The following TNIK variants were observed in gnomAD, a reference collection of about 807,000 sequenced individuals.
The protein encoded by TNIK is TRAF2 and NCK interacting kinase.
In TNIK, 49 loss-of-function variants were observed where a neutral mutation model predicts 191.3. The ratio of observed to expected loss-of-function variants is 0.26; its 90% CI spans 0.20 to 0.32. The LOEUF (loss-of-function observed/expected upper bound fraction) is 0.32. Ranked by LOEUF, TNIK falls within the 10% of genes least tolerant of loss-of-function variation. The pLI, the probability that TNIK is intolerant of heterozygous loss-of-function variation, is 1.00. For synonymous variants in TNIK, 594 were observed against 600.9 expected, an observed-to-expected ratio of 0.99 and a Z score of 0.17; for missense variants, 1,155 against 1,702.3, an observed-to-expected ratio of 0.68 and a Z score of 5.66.
At chr3:171,250,555 A>T (rs552322143) in intron 2 of TNIK, among the ~76,000 whole-genome samples, 2 of 152,332 alleles carry the variant, frequency 1.3e-5, no homozygotes, top group South Asian at 4.1e-4. Context: ...ACTTCTCTAA[A>T]GCCATGCAGC....
intron 12 of TNIK, among the ~76,000 whole-genome samples, chr3:171,140,911 C>T (rs1464281762): frequency 6.6e-6 from 1 of 152,124 alleles, no homozygotes; most frequent in Non-Finnish European, 1.5e-5. Context: ...CCATGTAACA[C>T]AAAAATTTCA....
chr3:171,227,383 T>C lies in TNIK; in HGVS notation c.180+782A>G, dbSNP rs137978199. Among the ~76,000 whole-genome samples the C allele has an allele frequency of 1.1e-3, 166 of 152,296 alleles. 2 individuals are homozygous for C. Among genetic ancestry groups the C allele is most frequent in the African/African-American group, 3.7e-3 (154 of 41,578 alleles). On this transcript the variant is annotated intron_variant, in intron 3 of 32. Coordinates refer to ENST00000436636, the MANE Select transcript of TNIK (RefSeq NM_015028.4). ...TGGGAAATATTCATGTTAAATATCC[T>C]ACTAGGATCTTAGAGCCATCCAAGC...
At chr3:171,372,477 T>G (rs1716639091) in intron 1 of TNIK, among the ~76,000 whole-genome samples, 1 of 152,196 alleles carries the variant, frequency 6.6e-6, no homozygotes, top group African/African-American at 2.4e-5. Flanking sequence ...AAGGAAGAAC[T>G]GGACTGAGCC....
intron 12 of TNIK, among the ~76,000 whole-genome samples, chr3:171,144,370 C>T (rs889212466): frequency 1.3e-5 from 2 of 151,832 alleles, no homozygotes; most frequent in East Asian, 3.9e-4. Flanking sequence ...TGTTGATGTT[C>T]GCCAAGGATG....
intron 2 of TNIK, among the ~76,000 whole-genome samples, chr3:171,262,743 AG>A (rs1188342247): frequency 6.6e-6 from 1 of 152,210 alleles, no homozygotes; most frequent in Non-Finnish European, 1.5e-5. Context: ...TTCCTTGATG[AG>A]GGAACCTCAA....
chr3:171,233,063 A>G (rs879259375), intron 2 of TNIK, among the ~76,000 whole-genome samples: 11 of 152,250 alleles, frequency 7.2e-5, no homozygotes, highest in Admixed American at 2.6e-4. Context: ...TTTCTGGCAA[A>G]GCACTCAAGC....
At chr3:171,156,196 T>TA (rs1212700244) in intron 12 of TNIK, among the ~76,000 whole-genome samples, 15 of 152,342 alleles carry the variant, frequency 9.8e-5, no homozygotes, top group African/African-American at 3.6e-4. Context: ...TTGACATTAC[T>TA]AAAATCACTC....
At chr3:171,448,433 T>C (rs76128872) in intron 1 of TNIK, among the ~76,000 whole-genome samples, 5,289 of 152,288 alleles carry the variant, frequency 0.035, 322 homozygotes, top group African/African-American at 0.12. Context: ...TTGCAGTGTG[T>C]ATCAGCACTT....
intron 16 of TNIK, among the ~76,000 whole-genome samples, chr3:171,126,627 G>T (rs181912358): frequency 6.6e-6 from 1 of 152,026 alleles, no homozygotes; most frequent in African/African-American, 2.4e-5. Flanking sequence ...ATTTTACACC[G>T]GAGCAATGTA....
In TNIK at chr3:171,206,335, G is replaced by GTATATATATATATATATATATATATATA. The variant is rs60356829; in HGVS notation, c.306+4780_306+4781insTATATATATATATATATATATATATATA. Reference sequence around the variant, plus strand: ...AATATATGGAGATATATATGTTCGTGTATATATATATATATATATGGAAGA... The same window carrying GTATATATATATATATATATATATATATA: ...AATATATGGAGATATATATGTTCGTGTATATATATATATATATATATATATATATATATATATATATATATATGGAAGA... On this transcript the variant is annotated intron_variant, in intron 4 of 32. Transcript: ENST00000436636. Among the ~76,000 whole-genome samples, 280 of 132,860 alleles carry GTATATATATATATATATATATATATATA rather than the reference G, an allele frequency of 2.1e-3. 4 individuals are homozygous for GTATATATATATATATATATATATATATA. Among genetic ancestry groups the GTATATATATATATATATATATATATATA allele is most frequent in the East Asian group, 8.4e-3 (31 of 3,678 alleles). 87.2% of individuals were successfully genotyped at this position (132,860 alleles called of 152,430 possible). A position where few individuals can be genotyped will look rare whatever the true frequency, so the allele number is the denominator to read the frequency against.
At chr3:171,230,960 C>CGAT (rs1040992632) in intron 2 of TNIK, among the ~76,000 whole-genome samples, 18 of 150,796 alleles carry the variant, frequency 1.2e-4, no homozygotes, top group African/African-American at 4.3e-4. Context: ...CTCTGCCTCC[C>CGAT]GACTCCCCTC....
intron 1 of TNIK, among the ~76,000 whole-genome samples, chr3:171,383,227 C>A (rs562727687): frequency 6.6e-6 from 1 of 152,154 alleles, no homozygotes; most frequent in Non-Finnish European, 1.5e-5. Context: ...TACAAGGTGC[C>A]TACGTTCACA....
chr3:171,353,674 C>G (rs930688084), intron 2 of TNIK, among the ~76,000 whole-genome samples: 5 of 152,150 alleles, frequency 3.3e-5, no homozygotes, highest in African/African-American at 1.2e-4. Context: ...CTTAAACTAT[C>G]AAGAGTTCTG....
chr3:171,211,124 G>A lies in TNIK; in HGVS notation c.298C>T (p.Gln100Ter). 1 of 1,612,238 alleles carries A rather than the reference G, an allele frequency of 6.2e-7. No homozygotes were observed. The highest frequency in any genetic ancestry group is 8.5e-7 in the Non-Finnish European group (1 of 1,179,346). ...IKKNPPGMDD[Q>*]LWLVMEFCGA... ...TGGACGGCAGTACATACCCAAAGTT[G>A]GTCATCCATGCCTGGTGGGTTCTTT... is the stretch of plus-strand genomic sequence containing the variant. The change falls in exon 4 of 33, where the codon CAA becomes TAA. Residue 100 changes from glutamine (Q) to a stop codon, truncating the protein, a stop_gained. Coordinates refer to ENST00000436636, the MANE Select transcript of TNIK (RefSeq NM_015028.4). LOFTEE classifies it high-confidence loss of function.
At chr3:171,263,269 G>GT (rs1464054712) in intron 2 of TNIK, among the ~76,000 whole-genome samples, 3 of 152,202 alleles carry the variant, frequency 2.0e-5, no homozygotes, top group Non-Finnish European at 4.4e-5. Flanking sequence ...ACTCTGCCAG[G>GT]TGACCAGAGA....
chr3:171,384,720 G>C (rs1225249159), intron 1 of TNIK, among the ~76,000 whole-genome samples: 1 of 152,170 alleles, frequency 6.6e-6, no homozygotes, highest in Non-Finnish European at 1.5e-5. Context: ...GCCCTCAAGT[G>C]ACATGTCAGA....
chr3:171,346,210 A>T (rs572326011), intron 2 of TNIK, among the ~76,000 whole-genome samples: 1 of 152,152 alleles, frequency 6.6e-6, no homozygotes, highest in South Asian at 2.1e-4. Flanking sequence ...TTGATCATTA[A>T]TTACTCTAAA....
intron 1 of TNIK, among the ~76,000 whole-genome samples, chr3:171,421,623 T>C (rs1723807294): frequency 6.6e-6 from 1 of 151,520 alleles, no homozygotes; most frequent in Non-Finnish European, 1.5e-5. Context: ...AACCATAAGA[T>C]AACATATGAA....
At chr3:171,450,429 T>C (rs1443778349) in intron 1 of TNIK, among the ~76,000 whole-genome samples, 1 of 152,232 alleles carries the variant, frequency 6.6e-6, no homozygotes, top group Non-Finnish European at 1.5e-5. Context: ...TTCACTAAGA[T>C]GTCCAGGATG....
Sources: allele counts gnomAD v4.1 joint callset (sites outside exome capture counted in the v4.1 genomes callset), GRCh38; gene constraint gnomAD v4.1.1; transcripts MANE v1.5; gene names NCBI Gene and HGNC (gene_info 2026-07-23, HGNC 2026-07-21).